FAM171A1: variants seen among roughly 807,000 people sequenced by gnomAD.
FAM171A1 encodes the protein protein FAM171A1.
FAM171A1 carries 23 observed loss-of-function variants against 74.9 expected under a neutral mutation model. The observed-to-expected ratio is 0.31, with a 90% CI of 0.22 to 0.44. The LOEUF (loss-of-function observed/expected upper bound fraction) is 0.44. FAM171A1 is among the 20% of genes least tolerant of loss of function. The pLI, the probability that FAM171A1 is intolerant of heterozygous loss-of-function variation, is 1.00. For missense variants in FAM171A1, 1,162 were observed against 1,159.2 expected (o/e 1.00, Z -0.03); for synonymous variants, 527 against 505.7 (o/e 1.04, Z -0.57).
chr10:15,238,922 G>T (rs1366331546), intron 5 of FAM171A1, among the ~76,000 whole-genome samples: 1 of 152,202 alleles, frequency 6.6e-6, no homozygotes, highest in African/African-American at 2.4e-5. Flanking sequence ...AATCCAGGTT[G>T]CCATTAAACA....
chr10:15,308,965 T>C (rs955321874), intron 1 of FAM171A1, among the ~76,000 whole-genome samples: 2 of 152,134 alleles, frequency 1.3e-5, no homozygotes, highest in Non-Finnish European at 2.9e-5. Flanking sequence ...TGCAGCCGGC[T>C]GACAAAGCCT....
chr10:15,319,106 G>T (rs979611394), intron 1 of FAM171A1, among the ~76,000 whole-genome samples: 1 of 152,178 alleles, frequency 6.6e-6, no homozygotes, highest in Non-Finnish European at 1.5e-5. Context: ...CGTCTGGAGG[G>T]ATAAAGGCTG....
At chr10:15,362,039 T>C (rs753546366) in intron 1 of FAM171A1, among the ~76,000 whole-genome samples, 57 of 152,252 alleles carry the variant, frequency 3.7e-4, no homozygotes, top group Non-Finnish European at 5.1e-4. Flanking sequence ...CTTCCCAAAA[T>C]TCCAAAAGAT....
chr10:15,301,555 C>T (rs1835229485), intron 1 of FAM171A1, among the ~76,000 whole-genome samples: 1 of 152,004 alleles, frequency 6.6e-6, no homozygotes, highest in Non-Finnish European at 1.5e-5. Context: ...AGAAGTGTCT[C>T]CCTCTAGAGC....
At chr10:15,329,607 C>G (rs982993842) in intron 1 of FAM171A1, among the ~76,000 whole-genome samples, 6 of 136,466 alleles carry the variant, frequency 4.4e-5, no homozygotes, top group African/African-American at 1.7e-4. Context: ...GCCTGGACAG[C>G]AGGGCAATAC....
At chr10:15,370,375 G>A (rs1286875651) in intron 1 of FAM171A1, among the ~76,000 whole-genome samples, 1 of 151,372 alleles carries the variant, frequency 6.6e-6, no homozygotes, top group Non-Finnish European at 1.5e-5. Context: ...CAGGGGGAGA[G>A]AACCCCCCAA....
At chr10:15,246,639 A>T (rs992618876) in intron 5 of FAM171A1, among the ~76,000 whole-genome samples, 1 of 152,184 alleles carries the variant, frequency 6.6e-6, no homozygotes, top group Non-Finnish European at 1.5e-5. Flanking sequence ...CTCCCAACTT[A>T]GCCTCCCAAG....
At chr10:15,221,718 G>A (rs181116210) in intron 5 of FAM171A1, among the ~76,000 whole-genome samples, 17 of 152,038 alleles carry the variant, frequency 1.1e-4, no homozygotes, top group Non-Finnish European at 1.8e-4. Context: ...CACAGCATAC[G>A]TGTCTTATAA....
In FAM171A1 at chr10:15,213,239, C is replaced by T. The variant is rs543131085; in HGVS notation, c.2349G>A (p.Thr783=). 11 of 1,614,090 alleles carry T rather than the reference C, an allele frequency of 6.8e-6. No homozygotes were observed. Among genetic ancestry groups the T allele is most frequent in the Admixed American group, 1.7e-5 (1 of 60,012 alleles). The part of the protein sequence containing the change: ...QQKEPRAPDS[T]AYTQLVYLDD... ...CCAGGTACACGAGCTGCGTGTAGGC[C>T]GTGCTGTCTGGGGCTCGAGGCTCTT... Residue 783 remains threonine (T), a synonymous_variant, in exon 8 of 8, where the codon ACG becomes ACA. Transcript: ENST00000378116. The surrounding 1 kb of genome is among the most constrained non-coding windows in gnomAD (Gnocchi z 6.8).
At chr10:15,321,217 A>G (rs1181460349) in intron 1 of FAM171A1, among the ~76,000 whole-genome samples, 1 of 152,236 alleles carries the variant, frequency 6.6e-6, no homozygotes, top group East Asian at 1.9e-4. Flanking sequence ...GATGGTGCAT[A>G]TGAATTCCCT....
intron 1 of FAM171A1, among the ~76,000 whole-genome samples, chr10:15,305,115 T>C (rs1835277627): frequency 6.6e-6 from 1 of 152,184 alleles, no homozygotes; most frequent in Non-Finnish European, 1.5e-5. Context: ...ATAAAACTTA[T>C]AATTTAAAAT....
At chr10:15,307,222 T>C (rs952850333) in intron 1 of FAM171A1, among the ~76,000 whole-genome samples, 1 of 152,062 alleles carries the variant, frequency 6.6e-6, no homozygotes, top group African/African-American at 2.4e-5. Flanking sequence ...AGGGTGCAAA[T>C]GCATGTCATA....
At chr10:15,291,048 C>T (rs910573445) in intron 1 of FAM171A1, among the ~76,000 whole-genome samples, 3 of 152,236 alleles carry the variant, frequency 2.0e-5, no homozygotes, top group Admixed American at 1.3e-4. Context: ...CAGGGTTTTG[C>T]CCTGTTGCCC....
intron 3 of FAM171A1, among the ~76,000 whole-genome samples, chr10:15,264,786 AAAAT>A (rs907075503): frequency 5.3e-5 from 8 of 152,170 alleles, no homozygotes; most frequent in Non-Finnish European, 8.8e-5. Flanking sequence ...TCTCTTAAAA[AAAAT>A]AAATAAACTG....
chr10:15,369,966 T>C (rs908860812), intron 1 of FAM171A1, among the ~76,000 whole-genome samples: 3 of 152,208 alleles, frequency 2.0e-5, no homozygotes, highest in Non-Finnish European at 4.4e-5. Context: ...CCTGGGTGAA[T>C]GCAGAGGCTC....
chr10:15,263,729 A>G (rs375646056), intron 3 of FAM171A1, among the ~76,000 whole-genome samples: 71 of 136,780 alleles, frequency 5.2e-4, no homozygotes, highest in Middle Eastern at 3.6e-3. Context: ...CAATCTATCT[A>G]TCTATCTGTC....
At chr10:15,364,052 G>A (rs1159140818) in intron 1 of FAM171A1, among the ~76,000 whole-genome samples, 1 of 152,016 alleles carries the variant, frequency 6.6e-6, no homozygotes, top group Non-Finnish European at 1.5e-5. Flanking sequence ...GTGGGTGGAG[G>A]GTGGGGGGGC....
intron 1 of FAM171A1, among the ~76,000 whole-genome samples, chr10:15,286,870 T>C (rs1588534379): frequency 6.6e-6 from 1 of 152,312 alleles, no homozygotes; most frequent in East Asian, 1.9e-4. Context: ...CTCTGAGCTA[T>C]GGGTGTGTAC....
chr10:15,252,464 C>G (rs1834522441), intron 4 of FAM171A1, among the ~76,000 whole-genome samples: 1 of 152,176 alleles, frequency 6.6e-6, no homozygotes, highest in Non-Finnish European at 1.5e-5. Flanking sequence ...CAGGCGTGCT[C>G]TCTTTAGGCT....
Sources: allele counts gnomAD v4.1 joint callset (sites outside exome capture counted in the v4.1 genomes callset), GRCh38; gene constraint gnomAD v4.1.1; non-coding constraint Gnocchi (gnomAD v3.1); transcripts MANE v1.5; gene names NCBI Gene and HGNC (gene_info 2026-07-23, HGNC 2026-07-21).